COL26A1: variants seen among roughly 807,000 people sequenced by gnomAD.
The protein encoded by COL26A1 is collagen alpha-1(XXVI) chain.
In COL26A1, 41 loss-of-function variants were observed where a neutral mutation model predicts 59.3. The observed-to-expected ratio is 0.69, with a 90% CI of 0.54 to 0.90. The LOEUF is 0.90. COL26A1 is among the 40% of genes least tolerant of loss of function. COL26A1 has a pLI of 0.00. For missense variants in COL26A1, 612 were observed against 602.3 expected, an observed-to-expected ratio of 1.02 and a Z score of -0.17; for synonymous variants, 266 against 256.0, an observed-to-expected ratio of 1.04 and a Z score of -0.37.
At chr7:101,471,565 TTG>T (rs1446449465) in intron 3 of COL26A1, among the ~76,000 whole-genome samples, 1 of 142,840 alleles carries the variant, frequency 7.0e-6, no homozygotes, top group Non-Finnish European at 1.5e-5. Flanking sequence ...GTTGTTGTTG[TTG>T]TTTGTTTTTT....
At chr7:101,520,491 C>T (rs1010464338) in intron 3 of COL26A1, among the ~76,000 whole-genome samples, 6 of 152,232 alleles carry the variant, frequency 3.9e-5, no homozygotes, top group African/African-American at 9.6e-5. Flanking sequence ...CGCGACCACC[C>T]TGGGCAACAT....
intron 3 of COL26A1, among the ~76,000 whole-genome samples, chr7:101,513,536 G>T (rs1794969387): frequency 6.6e-6 from 1 of 151,434 alleles, no homozygotes; most frequent in Admixed American, 6.6e-5. Flanking sequence ...GTAGAGATGG[G>T]GTTTTGCCGT....
intron 1 of COL26A1, among the ~76,000 whole-genome samples, chr7:101,365,531 A>T (rs13243027): frequency 0.58 from 87,687 of 151,404 alleles, 26,919 homozygotes; most frequent in African/African-American, 0.8. Flanking sequence ...AGTTCAAGTG[A>T]TTCTCCTGCC....
intron 3 of COL26A1, among the ~76,000 whole-genome samples, chr7:101,532,462 C>T (rs1286322633): frequency 6.6e-6 from 1 of 152,194 alleles, no homozygotes; most frequent in African/African-American, 2.4e-5. Flanking sequence ...CACTCCCCTC[C>T]CAGCCTCAGA....
At chr7:101,485,254 G>A (rs148769311) in intron 3 of COL26A1, among the ~76,000 whole-genome samples, 6 of 152,326 alleles carry the variant, frequency 3.9e-5, no homozygotes, top group Middle Eastern at 3.4e-3. Flanking sequence ...TGCACACGCC[G>A]GTGCTGAGAG....
intron 1 of COL26A1, among the ~76,000 whole-genome samples, chr7:101,391,124 T>C (rs113139065): frequency 1.3e-5 from 2 of 152,178 alleles, no homozygotes; most frequent in Non-Finnish European, 2.9e-5. Flanking sequence ...GCCCCAGCCC[T>C]TGAAGCTGAG....
At chr7:101,432,667 C>G (rs139990557) in intron 2 of COL26A1, among the ~76,000 whole-genome samples, 2 of 152,202 alleles carry the variant, frequency 1.3e-5, no homozygotes, top group East Asian at 3.9e-4. Flanking sequence ...CTCAGAGATC[C>G]TAAGATGCCA....
At chr7:101,431,778 T>G (rs1792785762) in intron 2 of COL26A1, among the ~76,000 whole-genome samples, 1 of 151,842 alleles carries the variant, frequency 6.6e-6, no homozygotes, top group South Asian at 2.1e-4. Flanking sequence ...TGGAATAAAC[T>G]CTACCTGGTG....
intron 1 of COL26A1, among the ~76,000 whole-genome samples, chr7:101,416,942 C>T (rs959159083): frequency 1.9e-5 from 2 of 105,612 alleles, no homozygotes; most frequent in African/African-American, 5.6e-5. Context: ...AGTGTTTCAC[C>T]ATGTTGCCCA....
intron 3 of COL26A1, among the ~76,000 whole-genome samples, chr7:101,525,644 C>A (rs575808041): frequency 3.5e-4 from 53 of 150,744 alleles, no homozygotes; most frequent in Non-Finnish European, 4.0e-4. Flanking sequence ...CTACAGGTGC[C>A]CACCATCACG....
chr7:101,379,974 AT>A (rs1173577135), intron 1 of COL26A1, among the ~76,000 whole-genome samples: 2 of 152,128 alleles, frequency 1.3e-5, no homozygotes, highest in African/African-American at 4.8e-5. Context: ...GCCATTCTCT[AT>A]TCCTTTACTT....
At chr7:101,413,626 T>C (rs1342447690) in intron 1 of COL26A1, among the ~76,000 whole-genome samples, 1 of 152,128 alleles carries the variant, frequency 6.6e-6, no homozygotes, top group Non-Finnish European at 1.5e-5. Flanking sequence ...AGACCTTTGC[T>C]AGGAGTGAGT....
intron 3 of COL26A1, among the ~76,000 whole-genome samples, chr7:101,501,175 GACTCCGTCTCAAAAAAA>G (rs1356948919): frequency 2.7e-5 from 3 of 112,472 alleles, no homozygotes; most frequent in Non-Finnish European, 4.9e-5. Context: ...TACAGGGCGA[GACTCCGTCTCAAAAAAA>G]AAAAAAAAAG....
intron 3 of COL26A1, among the ~76,000 whole-genome samples, chr7:101,530,566 TAAAAAAAAAAAA>T (rs558473831): frequency 2.2e-5 from 2 of 90,248 alleles, no homozygotes; most frequent in Admixed American, 1.3e-4. Context: ...ACTCTGTCTT[TAAAAAAAAAAAA>T]AAAAAAAAAA....
At chr7:101,440,717 G>C (rs971238780) in intron 2 of COL26A1, among the ~76,000 whole-genome samples, 3 of 152,194 alleles carry the variant, frequency 2.0e-5, no homozygotes, top group African/African-American at 7.2e-5. Context: ...TGTAATCCCA[G>C]CACTTTGGGA....
At chr7:101,468,808 G>A (rs1006403074) in intron 3 of COL26A1, among the ~76,000 whole-genome samples, 5 of 152,168 alleles carry the variant, frequency 3.3e-5, no homozygotes, top group African/African-American at 9.7e-5. Flanking sequence ...TGCAGGCACC[G>A]CCCTGGAGGC....
chr7:101,397,717 G>A (rs1478192894), intron 1 of COL26A1, among the ~76,000 whole-genome samples: 1 of 151,892 alleles, frequency 6.6e-6, no homozygotes, highest in African/African-American at 2.4e-5. Flanking sequence ...TTTGTTGTTT[G>A]CAGAGACAAG....
At chr7:101,401,662 A>C (rs970030646) in intron 1 of COL26A1, among the ~76,000 whole-genome samples, 1 of 52,630 alleles carries the variant, frequency 1.9e-5, no homozygotes, top group East Asian at 6.8e-4. Context: ...TGGAGGAGGA[A>C]GAGGAGGAAG....
chr7:101,372,123 G>A (rs939803440), intron 1 of COL26A1, among the ~76,000 whole-genome samples: 14 of 152,136 alleles, frequency 9.2e-5, no homozygotes, highest in African/African-American at 2.4e-4. Context: ...TTGCAAGGAC[G>A]GGGGAGTTCC....
Sources: allele counts gnomAD v4.1 joint callset (sites outside exome capture counted in the v4.1 genomes callset), GRCh38; gene constraint gnomAD v4.1.1; transcripts MANE v1.5; gene names NCBI Gene and HGNC (gene_info 2026-07-23, HGNC 2026-07-21).